The following NAF1 variants were observed in gnomAD, a reference collection of about 807,000 sequenced individuals.
NAF1 encodes the protein H/ACA ribonucleoprotein complex non-core subunit NAF1.
A neutral mutation model predicts 40.6 loss-of-function variants in NAF1; 11 were observed. The ratio of observed to expected loss-of-function variants is 0.27; its 90% CI spans 0.17 to 0.45. The LOEUF is 0.45. Ranked by LOEUF, NAF1 falls within the 20% of genes least tolerant of loss-of-function variation. The pLI, the probability that NAF1 is intolerant of heterozygous loss-of-function variation, is 1.00. For synonymous variants in NAF1, 260 were observed against 228.5 expected (o/e 1.14, Z -1.24); for missense variants, 607 against 611.1 (o/e 0.99, Z 0.07).
downstream of NAF1, among the ~76,000 whole-genome samples, chr4:163,128,243 C>T (rs541446826): frequency 3.9e-5 from 6 of 152,034 alleles, no homozygotes; most frequent in African/African-American, 1.4e-4. Context: ...TCTTTGCATC[C>T]CTTTTAGGAG....
intron 2 of NAF1, 45 bp downstream of exon 2, chr4:163,164,172 C>G (rs746161326): frequency 1.4e-6 from 2 of 1,442,720 alleles, no homozygotes; most frequent in Non-Finnish European, 1.8e-6. Flanking sequence ...TACCAGAATA[C>G]GTTTTAAAAC....
intron 7 of NAF1, among the ~76,000 whole-genome samples, chr4:163,132,649 T>C (rs911561289): frequency 3.3e-5 from 5 of 152,216 alleles, no homozygotes; most frequent in African/African-American, 1.2e-4. Context: ...TATAGCTTCA[T>C]TGTATAACTG....
At chr4:163,126,996 A>C (rs1033158320), downstream of NAF1, 1 of 1,551,166 alleles carries the variant, frequency 6.4e-7, no homozygotes, top group African/African-American at 1.4e-5. Context: ...ATACTTAATA[A>C]ACTAAAGTAG....
downstream of NAF1, among the ~76,000 whole-genome samples, chr4:163,105,310 TTATTATAAAC>T (rs1730035194): frequency 1.3e-5 from 2 of 152,224 alleles, no homozygotes; most frequent in African/African-American, 4.8e-5. Context: ...TCTAATAGCA[TTATTATAAAC>T]ATTAAGTAAG....
chr4:163,154,143 G>GT (rs1344548169), intron 2 of NAF1, among the ~76,000 whole-genome samples: 2 of 152,178 alleles, frequency 1.3e-5, no homozygotes, highest in Non-Finnish European at 2.9e-5. Flanking sequence ...CTTAAGAGCT[G>GT]TAACACTCAC....
At chr4:163,133,292 A>G (rs773632486) in intron 6 of NAF1, 36 bp from the exon 7 acceptor site, 3 of 1,546,206 alleles carry the variant, frequency 1.9e-6, no homozygotes, top group East Asian at 2.2e-5. Flanking sequence ...TTTATGTTAC[A>G]TGAATTTGCC....
chr4:163,152,970 G>C (rs1731783327), intron 2 of NAF1, among the ~76,000 whole-genome samples: 1 of 152,220 alleles, frequency 6.6e-6, no homozygotes, highest in Non-Finnish European at 1.5e-5. Flanking sequence ...GCCCCCAGCA[G>C]TGAGGGGCTT....
At chr4:163,108,072 A>T (rs1382660), downstream of NAF1, among the ~76,000 whole-genome samples, 54,992 of 151,708 alleles carry the variant, frequency 0.36, 11,152 homozygotes, top group East Asian at 0.62. Context: ...AATTAAGAAA[A>T]TTTTTTTTTC....
chr4:163,158,714 C>A (rs1488272368), intron 2 of NAF1, among the ~76,000 whole-genome samples: 1 of 151,948 alleles, frequency 6.6e-6, no homozygotes, highest in African/African-American at 2.4e-5. Context: ...CAATAAGAAA[C>A]CTCCAACAAT....
rs562790761 is a variant in NAF1, at chr4:163,148,358, C to G, written c.617G>C (p.Ser206Thr). 6.4e-7 allele frequency: 1 copy of G among 1,565,180 alleles called. No individual in the cohort carries two copies. ...IELKPLGMVS[S>T]IIEQLVIIES... is the part of the protein sequence containing the mutation. The stretch of plus-strand genomic sequence containing the variant: ...TAACATACCTAGTTGTTCAATAATA[C>G]TTGAAACCATCCCAAGAGGCTTTAA... Residue 206 changes from serine (S) to threonine (T), a missense_variant, in exon 3 of 8, where the codon AGT (serine) becomes ACT (threonine). Coordinates refer to ENST00000274054, the MANE Select transcript of NAF1 (RefSeq NM_138386.3).
At chr4:163,166,339 C>T (rs769145500) in intron 1 of NAF1, 24 bp downstream of exon 1, 2 of 1,561,304 alleles carry the variant, frequency 1.3e-6, no homozygotes, top group Admixed American at 1.9e-5. Context: ...CTCCCCACAG[C>T]TCCGGGTCCC....
At chr4:163,116,184 G>A (rs1207409157) in intron 2 of NAF1, among the ~76,000 whole-genome samples, 2 of 152,122 alleles carry the variant, frequency 1.3e-5, no homozygotes, top group African/African-American at 4.8e-5. Context: ...CAACAATCCA[G>A]TTTCCAACTA....
intron 4 of NAF1, chr4:163,144,075 T>C (rs1300590368): frequency 8.6e-6 from 8 of 929,098 alleles, no homozygotes; most frequent in Non-Finnish European, 1.0e-5. Flanking sequence ...AACAAGACAG[T>C]AATATAATCG....
chr4:163,104,011 G>C, the NAF1 span, among the ~76,000 whole-genome samples: 16 of 152,024 alleles, frequency 1.1e-4, no homozygotes, highest in African/African-American at 3.4e-4. Context: ...GATAGGGGTG[G>C]GGCTGTTTTA....
chr4:163,127,026 T>C (rs759404407), downstream of NAF1: 63 of 1,551,582 alleles, frequency 4.1e-5, 1 homozygote, highest in South Asian at 9.5e-5. Context: ...GTAACTTTTA[T>C]ATGCATTTGG....
At chr4:163,160,055 T>C (rs1040298839) in intron 2 of NAF1, among the ~76,000 whole-genome samples, 6 of 152,194 alleles carry the variant, frequency 3.9e-5, no homozygotes, top group Non-Finnish European at 8.8e-5. Flanking sequence ...GCTGATAAAA[T>C]TGTTTAAAAA....
Position 163,117,794 on chromosome 4 carries a change from T to C in NAF1, c.115-7504A>G, listed in dbSNP as rs1229052279. Among the ~76,000 whole-genome samples, 5 of 151,978 alleles carry C rather than the reference T, an allele frequency of 3.3e-5. No homozygotes were observed. The East Asian group carries it at 9.7e-4, about 29-fold the overall frequency. The stretch of plus-strand genomic sequence containing the variant: ...TGGTATGTTTATGGATAGAACAGCA[T>C]GGATACACTCTTACTGAATGATCAT... On this transcript the variant is annotated intron_variant, in intron 2 of 2. Transcript: ENST00000509434.
intron 2 of NAF1, among the ~76,000 whole-genome samples, chr4:163,115,459 G>A (rs1730306483): frequency 6.6e-6 from 1 of 152,062 alleles, no homozygotes; most frequent in South Asian, 2.1e-4. Context: ...GCCTCCCAAA[G>A]TGCTGGGATT....
chr4:163,120,080 G>C (rs1730471553), intron 2 of NAF1: 1 of 152,226 alleles, frequency 6.6e-6, no homozygotes, highest in African/African-American at 2.4e-5. Flanking sequence ...GCCAAATCAT[G>C]TCTGAGATGA....
Sources: gnomAD v4.1 joint callset for allele counts (sites outside exome capture counted in the v4.1 genomes callset) on GRCh38, gnomAD v4.1.1 for gene constraint, MANE v1.5 for transcripts, NCBI Gene and HGNC (gene_info 2026-07-23, HGNC 2026-07-21) for gene names.